DIP2C: variants seen among roughly 807,000 people sequenced by gnomAD.
DIP2C encodes the protein disco-interacting protein 2 homolog C.
In DIP2C, 33 loss-of-function variants were observed where a neutral mutation model predicts 192.4. The observed-to-expected ratio is 0.17, with a 90% CI of 0.13 to 0.23. The LOEUF (loss-of-function observed/expected upper bound fraction) is 0.23. DIP2C is among the 10% of genes least tolerant of loss of function. DIP2C has a pLI of 1.00. For missense variants in DIP2C, 1,537 were observed against 2,110.1 expected (o/e 0.73, Z 5.32); for synonymous variants, 979 against 864.1 (o/e 1.13, Z -2.33).
At chr10:653,036 C>T (rs553698631) in intron 1 of DIP2C, among the ~76,000 whole-genome samples, 4 of 152,016 alleles carry the variant, frequency 2.6e-5, no homozygotes, top group Non-Finnish European at 2.9e-5. Context: ...ACTTCAGACG[C>T]GGCCTCGAGC....
At chr10:561,951 C>A (rs1849241879) in intron 1 of DIP2C, among the ~76,000 whole-genome samples, 1 of 152,248 alleles carries the variant, frequency 6.6e-6, no homozygotes, top group Non-Finnish European at 1.5e-5. Context: ...CGCTGAGACC[C>A]TCCTGCACCA....
intron 14 of DIP2C, among the ~76,000 whole-genome samples, chr10:386,516 C>T (rs1468104644): frequency 1.3e-5 from 2 of 152,168 alleles, no homozygotes; most frequent in African/African-American, 4.8e-5. Flanking sequence ...AGGGGCTCCC[C>T]ACTGCACCAG....
intron 4 of DIP2C, among the ~76,000 whole-genome samples, chr10:424,294 A>C (rs1029520865): frequency 5.5e-5 from 8 of 145,640 alleles, no homozygotes; most frequent in Non-Finnish European, 1.2e-4. Flanking sequence ...GAATTTTTTT[A>C]AAAGTTTACT....
At chr10:467,293 A>C (rs918727505) in intron 3 of DIP2C, among the ~76,000 whole-genome samples, 24 of 150,606 alleles carry the variant, frequency 1.6e-4, no homozygotes, top group Non-Finnish European at 3.0e-4. Context: ...GAAAAACCAA[A>C]CACCACATAT....
intron 10 of DIP2C, among the ~76,000 whole-genome samples, chr10:395,304 A>G (rs1963899928): frequency 6.6e-6 from 1 of 152,224 alleles, no homozygotes; most frequent in African/African-American, 2.4e-5. Flanking sequence ...CAAATGTCTT[A>G]CCATAAAAAA....
chr10:419,700 G>A (rs535625186), intron 5 of DIP2C, among the ~76,000 whole-genome samples: 5 of 152,104 alleles, frequency 3.3e-5, no homozygotes, highest in Non-Finnish European at 7.4e-5. Context: ...TGGATTATGT[G>A]AGTTAACACG....
At chr10:618,100 T>C (rs138098915) in intron 1 of DIP2C, among the ~76,000 whole-genome samples, 1 of 152,356 alleles carries the variant, frequency 6.6e-6, no homozygotes, top group African/African-American at 2.4e-5. Flanking sequence ...GGTCTGCACA[T>C]AAAATGCTAA....
At chr10:413,684 G>C (rs991642642) in intron 8 of DIP2C, among the ~76,000 whole-genome samples, 11 of 152,182 alleles carry the variant, frequency 7.2e-5, no homozygotes, top group Admixed American at 2.0e-4. Flanking sequence ...CTGCGCGAGG[G>C]GGTGGGCAAA....
intron 1 of DIP2C, among the ~76,000 whole-genome samples, chr10:577,822 T>TG (rs1359370973): frequency 7.7e-5 from 11 of 143,158 alleles, no homozygotes; most frequent in Non-Finnish European, 1.6e-4. Context: ...TGTTTTTTTG[T>TG]GTTTTTTTTT....
At chr10:358,506 G>A (rs766063467) in intron 22 of DIP2C, among the ~76,000 whole-genome samples, 1 of 138,106 alleles carries the variant, frequency 7.2e-6, no homozygotes, top group Non-Finnish European at 1.5e-5. Context: ...CCCACAGTGA[G>A]GTGTGGAAGA....
chr10:593,976 C>G (rs1022618642), intron 1 of DIP2C, among the ~76,000 whole-genome samples: 1 of 152,204 alleles, frequency 6.6e-6, no homozygotes, highest in African/African-American at 2.4e-5. Context: ...TGAATGACTC[C>G]AACCACGGCG....
At chr10:530,217 A>C (rs1847283893) in intron 1 of DIP2C, among the ~76,000 whole-genome samples, 1 of 152,220 alleles carries the variant, frequency 6.6e-6, no homozygotes, top group South Asian at 2.1e-4. Flanking sequence ...GGGTGTCAGC[A>C]ACTAACACAT....
In DIP2C at chr10:419,103, G is replaced by C. The variant is rs781476475; in HGVS notation, c.701C>G (p.Pro234Arg). Residue 234 changes from proline to arginine, a missense_variant, in exon 6 of 37, where the codon CCC (proline) becomes CGC (arginine). Transcript: ENST00000280886. The stretch of plus-strand genomic sequence containing the variant: ...CATGAGCTCGGCGTTGCCGTACTTG[G>C]GCGCTGTCCGGGACCCCGTGGAACC... ...PQGSTGSRTA[P>R]KYGNAELMET... The C allele has an allele frequency of 3.7e-6, 6 of 1,614,284 alleles. No individual in the cohort carries two copies. Among genetic ancestry groups the C allele is most frequent in the Non-Finnish European group, 5.1e-6 (6 of 1,180,054 alleles).
Position 337,796 on chromosome 10 carries a change from T to TGTGTTCTGTGGAGGCCTAG in DIP2C, c.3584+3402_3584+3403insCTAGGCCTCCACAGAACAC, listed in dbSNP as rs1564576993. 3.3e-3 allele frequency among the ~76,000 whole-genome samples: 57 copies of TGTGTTCTGTGGAGGCCTAG among 17,060 alleles called. 1 individual carries two copies. Among genetic ancestry groups the TGTGTTCTGTGGAGGCCTAG allele is most frequent in the African/African-American group, 0.016 (53 of 3,388 alleles). 11.2% of individuals were successfully genotyped at this position (17,060 alleles called of 152,430 possible). A position where few individuals can be genotyped will look rare whatever the true frequency, so the allele number is the denominator to read the frequency against. On this transcript the variant is annotated intron_variant, in intron 29 of 36. Coordinates refer to ENST00000280886, the MANE Select transcript of DIP2C (RefSeq NM_014974.3). ...GTGAAGGCCTAGGCAGCTGTGTGTG[T>TGTGTTCTGTGGAGGCCTAG]GCACGTGTGTCGTGGAGGCCTACGC...
At chr10:551,920 C>A (rs976401460) in intron 1 of DIP2C, among the ~76,000 whole-genome samples, 1 of 152,220 alleles carries the variant, frequency 6.6e-6, no homozygotes, top group African/African-American at 2.4e-5. Context: ...GGTGTCACAC[C>A]CAGGACACCC....
intron 5 of DIP2C, among the ~76,000 whole-genome samples, chr10:419,743 G>C (rs535039291): frequency 5.3e-5 from 8 of 152,228 alleles, no homozygotes; most frequent in African/African-American, 1.9e-4. Context: ...TCATAAAAGG[G>C]GGAGACATCA....
At chr10:640,937 A>G (rs2131940485) in intron 1 of DIP2C, among the ~76,000 whole-genome samples, 1 of 152,256 alleles carries the variant, frequency 6.6e-6, no homozygotes, top group East Asian at 1.9e-4. Context: ...CAACGTGCTC[A>G]TCGGACTGGG....
intron 1 of DIP2C, among the ~76,000 whole-genome samples, chr10:588,477 TGA>T (rs1851214821): frequency 6.6e-6 from 1 of 152,336 alleles, no homozygotes; most frequent in Non-Finnish European, 1.5e-5. Context: ...CATGCTGGAA[TGA>T]GAGGTCAGGG....
At chr10:606,138 T>A (rs1852449340) in intron 1 of DIP2C, among the ~76,000 whole-genome samples, 1 of 152,248 alleles carries the variant, frequency 6.6e-6, no homozygotes, top group Admixed American at 6.5e-5. Flanking sequence ...CTCCTCGCGC[T>A]GCTTTCTGGG....
Sources: allele counts gnomAD v4.1 joint callset (sites outside exome capture counted in the v4.1 genomes callset), GRCh38; gene constraint gnomAD v4.1.1; transcripts MANE v1.5; gene names NCBI Gene and HGNC (gene_info 2026-07-23, HGNC 2026-07-21).